Variants in ERGIC3 observed in about 807,000 individuals in gnomAD.
ERGIC3 encodes ERGIC and golgi 3, also known as endoplasmic reticulum-Golgi intermediate compartment protein 3.
Under a neutral mutation model 54.7 loss-of-function variants are expected in ERGIC3, and 33 were observed. The observed-to-expected ratio is 0.60, with a 90% CI of 0.46 to 0.81. ERGIC3 has a LOEUF of 0.81. Among genes scored for constraint, ERGIC3 ranks in the 30% least tolerant of loss-of-function variants. The pLI is 0.00. For missense variants in ERGIC3, 399 were observed against 488.4 expected (o/e 0.82, Z 1.73); for synonymous variants, 186 against 189.8 (o/e 0.98, Z 0.16).
chr20:35,547,931 G>T (rs1270688708), intron 5 of ERGIC3, among the ~76,000 whole-genome samples: 1 of 152,200 alleles, frequency 6.6e-6, no homozygotes, highest in Non-Finnish European at 1.5e-5. Flanking sequence ...TAGACCCTCA[G>T]TATCTGATAA....
In ERGIC3 at chr20:35,557,179, C is replaced by G. The variant is rs750284270; in HGVS notation, c.1017-15C>G. The G allele has an allele frequency of 4.5e-5, 72 of 1,614,104 alleles. No homozygotes were observed. The highest frequency in any genetic ancestry group is 5.6e-5 in the Non-Finnish European group (66 of 1,180,028). On this transcript the variant is annotated splice_polypyrimidine_tract_variant and intron_variant, in intron 11 of 12. Coordinates refer to ENST00000348547, the MANE Select transcript of ERGIC3 (RefSeq NM_015966.3). ...GAGGAGGATGCCTGCTGAGCCCACC[C>G]TCTCCTTCTACCAGGTCCTTCACCC...
At chr20:35,554,927 G>C (rs1400429446) in intron 7 of ERGIC3, 117 bp from the exon 8 acceptor site, 1 of 1,254,196 alleles carries the variant, frequency 8.0e-7, no homozygotes, top group East Asian at 2.3e-5. Flanking sequence ...TGCCAGGCTG[G>C]AGAAGGAATG....
intron 7 of ERGIC3, among the ~76,000 whole-genome samples, chr20:35,553,020 A>ATTTTGTTTTTTTTT (rs2064689830): frequency 2.4e-5 from 1 of 41,552 alleles, no homozygotes; most frequent in East Asian, 8.7e-4. Context: ...AAAGCTGGGG[A>ATTTTGTTTTTTTTT]TTTTTTTTTT....
intron 7 of ERGIC3, among the ~76,000 whole-genome samples, chr20:35,550,205 A>G (rs2064674163): frequency 6.6e-6 from 1 of 151,906 alleles, no homozygotes; most frequent in African/African-American, 2.4e-5. Flanking sequence ...TCTGGGGAGG[A>G]AGTGTTACAA....
At chr20:35,556,591 C>T (rs1200639672) in intron 10 of ERGIC3, 2 of 498,576 alleles carry the variant, frequency 4.0e-6, no homozygotes, top group Non-Finnish European at 7.3e-6. Context: ...TGTACCCGCT[C>T]CCAAGGCTGC....
In ERGIC3 at chr20:35,551,605, T is replaced by C. The variant is rs557467434; in HGVS notation, c.685+2740T>C. ...GGAGAAGAAGGGAAGCTCAAAGGGC[T>C]GGGTGCCAGGCCTCCCACATTAGAG... On this transcript the variant is annotated intron_variant, in intron 7 of 12. Transcript: ENST00000348547. 1.1e-4 allele frequency among the ~76,000 whole-genome samples: 17 copies of C among 152,268 alleles called. No individual in the cohort carries two copies. In the East Asian group the frequency reaches 3.1e-3, roughly 28 times the overall value.
At chr20:35,546,523 G>A (rs1473054095) in intron 4 of ERGIC3, among the ~76,000 whole-genome samples, 2 of 152,196 alleles carry the variant, frequency 1.3e-5, no homozygotes, top group Admixed American at 6.5e-5. Context: ...GGAATTGCCA[G>A]GCAGTCCTAA....
At chr20:35,554,886 T>C in intron 7 of ERGIC3, 158 bp from the exon 8 acceptor site, 3 of 884,262 alleles carry the variant, frequency 3.4e-6, no homozygotes, top group Non-Finnish European at 5.7e-6. Flanking sequence ...AGGCTTGCCC[T>C]TTCTGGCTGT....
intron 7 of ERGIC3, among the ~76,000 whole-genome samples, chr20:35,551,390 A>G (rs908802297): frequency 6.6e-6 from 1 of 151,926 alleles, no homozygotes; most frequent in Admixed American, 6.6e-5. Context: ...TACAGCTGGT[A>G]TTCGGCTTTT....
rs141438822 is a variant in ERGIC3 at position 35,553,020 on chromosome 20, ATTTT to A, written c.686-1999_686-1996del. 8.4e-4 allele frequency among the ~76,000 whole-genome samples: 35 copies of A among 41,560 alleles called. 1 individual carries two copies. The highest frequency in any genetic ancestry group is 2.5e-3 in the South Asian group (2 of 796). The allele number at this position is 41,560 out of a possible 152,430, so 27.3% of individuals were successfully genotyped here. On this transcript the variant is annotated intron_variant, in intron 7 of 12. Coordinates refer to ENST00000348547, the MANE Select transcript of ERGIC3 (RefSeq NM_015966.3). ...TTTGCCCTGAGCTTCAAAGCTGGGG[ATTTT>A]TTTTTTTTTTTTTTTTTTTTTTTTG...
chr20:35,557,576 C>T lies in ERGIC3; in HGVS notation c.*72C>T, dbSNP rs946200983. On this transcript the variant is annotated 3_prime_UTR_variant, in exon 13 of 13. Transcript: ENST00000348547. ...TTGTCCCCCAGCCTCTGCCACCCTC[C>T]ACCTCCTCGGTCAGCCCCAGCCCCA... 1 of 1,333,868 alleles carries T rather than the reference C, an allele frequency of 7.5e-7. No individual in the cohort carries two copies. Among genetic ancestry groups the T allele is most frequent in the East Asian group, 2.3e-5 (1 of 43,574 alleles). The allele number at this position is 1,333,868 out of a possible 1,614,324, so 82.6% of individuals were successfully genotyped here.
chr20:35,544,199 C>G (rs1030315018), intron 4 of ERGIC3: 6 of 185,344 alleles, frequency 3.2e-5, no homozygotes, highest in African/African-American at 4.8e-5. Flanking sequence ...GGATTACAGG[C>G]CTGTGCCACC....
chr20:35,555,484 C>T (rs561031592), intron 8 of ERGIC3, among the ~76,000 whole-genome samples: 2 of 152,226 alleles, frequency 1.3e-5, no homozygotes, highest in Admixed American at 6.5e-5. Context: ...AGCAGGATCA[C>T]GACATAATCA....
intron 12 of ERGIC3, 45 bp from the exon 13 acceptor site, chr20:35,557,380 C>T: frequency 6.2e-7 from 1 of 1,610,338 alleles, no homozygotes; most frequent in Admixed American, 1.7e-5. Flanking sequence ...GCGTCAAAAG[C>T]CAAGGCCCCC....
intron 7 of ERGIC3, among the ~76,000 whole-genome samples, chr20:35,551,972 G>A (rs1190003066): frequency 6.6e-6 from 1 of 152,140 alleles, no homozygotes; most frequent in African/African-American, 2.4e-5. Flanking sequence ...TTCTAAGGAG[G>A]GTGATGTAGC....
Position 35,557,451 on chromosome 20 carries a change from T to TACCA in ERGIC3, c.1100_1103dup (p.His368GlnfsTer12), listed in dbSNP as rs759672383. ...GGCTGGACTCATCGATTCGCTCATCTACCACTCAGCACGAGCCATCCAGAA... is the reference window on the plus strand; with the variant it reads ...GGCTGGACTCATCGATTCGCTCATCTACCAACCACTCAGCACGAGCCATCCAGAA... On this transcript the variant is annotated frameshift_variant, in exon 13 of 13. Coordinates refer to ENST00000348547, the MANE Select transcript of ERGIC3 (RefSeq NM_015966.3). LOFTEE classifies it high-confidence loss of function. 2 of 1,614,044 alleles carry TACCA rather than the reference T, an allele frequency of 1.2e-6. No homozygotes were observed. Among genetic ancestry groups the TACCA allele is most frequent in the East Asian group, 2.2e-5 (1 of 44,890 alleles).
intron 7 of ERGIC3, chr20:35,554,730 A>C: frequency 1.7e-6 from 1 of 591,262 alleles, no homozygotes; most frequent in South Asian, 2.0e-5. Flanking sequence ...AGTTAGTGAG[A>C]GCCCATAGTC....
intron 9 of ERGIC3, 22 bp from the exon 10 acceptor site, chr20:35,556,185 C>T: frequency 1.2e-6 from 2 of 1,614,190 alleles, no homozygotes; most frequent in Non-Finnish European, 8.5e-7. Flanking sequence ...CACCCATACC[C>T]AGTGCTTTGT....
intron 4 of ERGIC3, 118 bp from the exon 5 acceptor site, chr20:35,547,294 A>G: frequency 1.4e-6 from 1 of 715,732 alleles, no homozygotes; most frequent in Non-Finnish European, 2.5e-6. Flanking sequence ...CATGTACTAT[A>G]TGAATATTAG....
Sources: allele counts gnomAD v4.1 joint callset (sites outside exome capture counted in the v4.1 genomes callset), GRCh38; gene constraint gnomAD v4.1.1; transcripts MANE v1.5; gene names NCBI Gene and HGNC (gene_info 2026-07-23, HGNC 2026-07-21).